BLK: variants seen among roughly 807,000 people sequenced by gnomAD.
BLK encodes the protein tyrosine-protein kinase Blk.
In BLK, 64 loss-of-function variants were observed where a neutral mutation model predicts 61.8. The ratio of observed to expected loss-of-function variants is 1.03; its 90% confidence interval spans 0.85 to 1.27. The LOEUF is 1.27. Ranked by LOEUF, BLK falls within the 50% of genes most tolerant of loss-of-function variation. BLK has a pLI of 0.00. For missense variants in BLK, 853 were observed against 660.5 expected (o/e 1.29, Z -3.19); for synonymous variants, 351 against 272.0 (o/e 1.29, Z -2.86).
In BLK at chr8:11,507,766, A is replaced by C. The variant is rs116648010; in HGVS notation, c.-2+13175A>C. On this transcript the variant is annotated intron_variant, in intron 1 of 12. Transcript: ENST00000259089. ...GGATGGTGACCTGGATTAGGACTGG[A>C]GGGGGAACCTGAGGCCAGGAGAGCA... 4.4e-3 allele frequency among the ~76,000 whole-genome samples: 662 copies of C among 152,158 alleles called. 3 individuals are homozygous for C. The highest frequency in any genetic ancestry group is 0.015 in the African/African-American group (625 of 41,510).
chr8:11,548,157 G>T (rs753565455), intron 4 of BLK, 32 bp downstream of exon 4: 1 of 1,557,560 alleles, frequency 6.4e-7, no homozygotes, highest in Admixed American at 1.7e-5. Flanking sequence ...CCCTGTCCCT[G>T]CAGGACCCCC....
Position 11,503,976 on chromosome 8 carries a change from C to G in BLK, c.-2+9385C>G, listed in dbSNP as rs114844029. 9.2e-3 allele frequency among the ~76,000 whole-genome samples: 1,405 copies of G among 152,308 alleles called. 9 individuals carry two copies. Among genetic ancestry groups the G allele is most frequent in the Middle Eastern group, 0.044 (13 of 294 alleles). On this transcript the variant is annotated intron_variant, in intron 1 of 12. Coordinates refer to ENST00000259089, the MANE Select transcript of BLK (RefSeq NM_001715.3). Reference sequence around the variant, plus strand: ...TGGCCGGGAGATGAAGGGATCTACCCTGGGGCTAAAGTCTCCCCAGCCTTT... The same window carrying G: ...TGGCCGGGAGATGAAGGGATCTACCGTGGGGCTAAAGTCTCCCCAGCCTTT...
At position 11,564,464 on chromosome 8, in the gene BLK, T is replaced by C. The variant is rs1182260340; in HGVS notation, c.*356T>C. ...CCCGTGCTGGCCGCGTCCCCGCCTC[T>C]GCGCCCTGCGTGGACCCCGCCCTGC... On this transcript the variant is annotated 3_prime_UTR_variant, in exon 13 of 13. Transcript: ENST00000259089. The C allele has an allele frequency of 3.7e-6, 2 of 540,668 alleles. No homozygotes were observed. Among genetic ancestry groups the C allele is most frequent in the Non-Finnish European group, 7.1e-6 (2 of 281,440 alleles). The allele number at this position is 540,668 out of a possible 1,614,324, so 33.5% of individuals were successfully genotyped here.
chr8:11,562,231 C>T (rs913567148), intron 11 of BLK, among the ~76,000 whole-genome samples: 11 of 152,166 alleles, frequency 7.2e-5, no homozygotes, highest in Non-Finnish European at 1.6e-4. Flanking sequence ...AGGGTGTCCA[C>T]GGAGCACTGT....
At chr8:11,527,517 C>G (rs1181722949) in intron 1 of BLK, among the ~76,000 whole-genome samples, 2 of 151,036 alleles carry the variant, frequency 1.3e-5, no homozygotes, top group Non-Finnish European at 2.9e-5. Flanking sequence ...TGACATAAGC[C>G]TAGCCCACAC....
chr8:11,538,524 A>G (rs1397435962), intron 1 of BLK, among the ~76,000 whole-genome samples: 2 of 152,226 alleles, frequency 1.3e-5, no homozygotes, highest in East Asian at 3.8e-4. Context: ...ATTTAATCTT[A>G]GGAATTTTAC....
chr8:11,543,775 G>A (rs1260024238), intron 2 of BLK, among the ~76,000 whole-genome samples: 2 of 152,050 alleles, frequency 1.3e-5, no homozygotes, highest in South Asian at 2.1e-4. Context: ...CTCACCTCCC[G>A]AGCAGGCTCT....
intron 1 of BLK, among the ~76,000 whole-genome samples, chr8:11,541,268 A>G (rs78785728): frequency 0.024 from 3,689 of 152,300 alleles, 146 homozygotes; most frequent in African/African-American, 0.085. Context: ...ACACTGTCTC[A>G]AAACAAAATA....
chr8:11,504,585 T>G (rs1371155193), intron 1 of BLK, among the ~76,000 whole-genome samples: 1 of 152,158 alleles, frequency 6.6e-6, no homozygotes, highest in East Asian at 1.9e-4. Context: ...AGATCTTTTA[T>G]CAGTCTTCGT....
intron 1 of BLK, among the ~76,000 whole-genome samples, chr8:11,512,197 T>C (rs1442939446): frequency 6.6e-6 from 1 of 152,212 alleles, no homozygotes; most frequent in African/African-American, 2.4e-5. Context: ...GAAGAAGGGA[T>C]GACTTAATGG....
At chr8:11,499,263 G>A (rs1798471153) in intron 1 of BLK, among the ~76,000 whole-genome samples, 1 of 152,190 alleles carries the variant, frequency 6.6e-6, no homozygotes, top group Non-Finnish European at 1.5e-5. Context: ...AGAAGCAACC[G>A]GCTATGCCAC....
chr8:11,512,108 A>G (rs1018847735), intron 1 of BLK, among the ~76,000 whole-genome samples: 4 of 152,234 alleles, frequency 2.6e-5, no homozygotes, highest in Admixed American at 6.5e-5. Flanking sequence ...TTTTCCTTGA[A>G]GAGCTCAGGA....
At chr8:11,549,245 G>A in intron 5 of BLK, 123 bp downstream of exon 5, 1 of 869,952 alleles carries the variant, frequency 1.1e-6, no homozygotes, top group Non-Finnish European at 1.9e-6. Context: ...TAGCAAAGAG[G>A]GGACAGGAAA....
At chr8:11,503,556 C>T (rs1446972782) in intron 1 of BLK, among the ~76,000 whole-genome samples, 1 of 152,140 alleles carries the variant, frequency 6.6e-6, no homozygotes, top group Non-Finnish European at 1.5e-5. Flanking sequence ...TCAGAGAGGC[C>T]TTTGCCACCA....
Position 11,548,931 on chromosome 8 carries a change from C to G in BLK, c.270-93C>G, listed in dbSNP as rs1466863300. ...CTACCCCTGCGGATTCTCTGCCCTCCAGGGAGAGATGACTTTGAGGAGGCC... is the reference window on the plus strand; with the variant it reads ...CTACCCCTGCGGATTCTCTGCCCTCGAGGGAGAGATGACTTTGAGGAGGCC... On this transcript the variant is annotated intron_variant, in intron 4 of 12. Transcript: ENST00000259089. 2 of 1,147,268 alleles carry G rather than the reference C, an allele frequency of 1.7e-6. 1 individual carries two copies. Among genetic ancestry groups the G allele is most frequent in the Middle Eastern group, 3.9e-4 (2 of 5,194 alleles). 71.1% of individuals were successfully genotyped at this position (1,147,268 alleles called of 1,614,324 possible).
At chr8:11,556,513 C>A in intron 8 of BLK, 145 bp from the exon 9 acceptor site, 1 of 990,484 alleles carries the variant, frequency 1.0e-6, no homozygotes, top group Non-Finnish European at 1.6e-6. Flanking sequence ...AGGCACCACA[C>A]AACCATGGCC....
chr8:11,541,857 A>T (rs1203868697), intron 1 of BLK, among the ~76,000 whole-genome samples: 1 of 152,204 alleles, frequency 6.6e-6, no homozygotes, highest in Non-Finnish European at 1.5e-5. Context: ...CTGAAGTGAT[A>T]CTTGTAACCC....
At chr8:11,540,110 C>G (rs1800311020) in intron 1 of BLK, among the ~76,000 whole-genome samples, 1 of 152,040 alleles carries the variant, frequency 6.6e-6, no homozygotes, top group African/African-American at 2.4e-5. Flanking sequence ...GTAGTTGTCT[C>G]CAAACTCTGG....
Position 11,561,319 on chromosome 8 carries a change from A to T in BLK, c.1047A>T (p.Ala349=). The T allele has an allele frequency of 1.2e-6, 2 of 1,613,872 alleles. No homozygotes were observed. Among genetic ancestry groups the T allele is most frequent in the African/African-American group, 2.7e-5 (2 of 75,068 alleles). Reference sequence around the variant, plus strand: ...TCCCTCAGATTGCTGAAGGGATGGCATACATTGAGCGCATGAATTCCATCC... The same window carrying T: ...TCCCTCAGATTGCTGAAGGGATGGCTTACATTGAGCGCATGAATTCCATCC... The part of the protein sequence containing the change: ...DMSAQIAEGM[A]YIERMNSIHR... The change falls in exon 11 of 13, where the codon GCA becomes GCT. Residue 349 remains alanine (A), a synonymous_variant. Transcript: ENST00000259089.
Sources: allele counts gnomAD v4.1 joint callset (sites outside exome capture counted in the v4.1 genomes callset), GRCh38; gene constraint gnomAD v4.1.1; transcripts MANE v1.5; gene names NCBI Gene and HGNC (gene_info 2026-07-23, HGNC 2026-07-21).